Variants in SNX25 observed in about 807,000 individuals in gnomAD.
SNX25 encodes the protein sorting nexin-25.
Under a neutral mutation model 113.7 loss-of-function variants are expected in SNX25, and 62 were observed. The ratio of observed to expected loss-of-function variants is 0.55; its 90% confidence interval spans 0.44 to 0.67. The LOEUF (loss-of-function observed/expected upper bound fraction) is 0.67, where lower values mean the gene tolerates loss of function less well. Among genes scored for constraint, SNX25 ranks in the 30% least tolerant of loss-of-function variants. The pLI, the probability that SNX25 is intolerant of heterozygous loss-of-function variation, is 0.00. For missense variants in SNX25, 1,014 were observed against 1,161.0 expected, an observed-to-expected ratio of 0.87 and a Z score of 1.84; for synonymous variants, 421 against 436.2, an observed-to-expected ratio of 0.97 and a Z score of 0.43.
At chr4:185,351,343 A>G (rs544109587) in intron 13 of SNX25, 102 bp from the exon 14 acceptor site, 1 of 1,247,084 alleles carries the variant, frequency 8.0e-7, no homozygotes, top group East Asian at 2.3e-5. Flanking sequence ...AGTCTGATGA[A>G]AGTAAATTCG....
At chr4:185,321,075 AG>A (rs2095115959) in intron 8 of SNX25, among the ~76,000 whole-genome samples, 2 of 152,250 alleles carry the variant, frequency 1.3e-5, no homozygotes, top group Admixed American at 6.5e-5. Context: ...AAGGGAAAAA[AG>A]GTTTTATAAA....
intron 9 of SNX25, among the ~76,000 whole-genome samples, chr4:185,326,540 T>C (rs1012238413): frequency 1.3e-5 from 2 of 152,130 alleles, no homozygotes; most frequent in African/African-American, 4.8e-5. Flanking sequence ...CAAAATAATT[T>C]TAACATAACA....
chr4:185,287,265 A>G (rs527791892), intron 5 of SNX25, among the ~76,000 whole-genome samples: 1 of 152,324 alleles, frequency 6.6e-6, no homozygotes, highest in Non-Finnish European at 1.5e-5. Flanking sequence ...AGGCACACAT[A>G]TATATAGCTG....
intron 7 of SNX25, among the ~76,000 whole-genome samples, chr4:185,314,924 T>A (rs1371458767): frequency 1.6e-4 from 23 of 140,794 alleles, no homozygotes; most frequent in African/African-American, 6.1e-4. Flanking sequence ...TTGAAGAATA[T>A]AATAATAATC....
chr4:185,371,373 A>C (rs1170234637), downstream of SNX25, among the ~76,000 whole-genome samples: 2 of 151,756 alleles, frequency 1.3e-5, no homozygotes, highest in Admixed American at 1.3e-4. Context: ...CCCCGTCTCT[A>C]CTAAAAAAGA....
intron 2 of SNX25, among the ~76,000 whole-genome samples, chr4:185,248,186 G>C (rs1469715648): frequency 6.6e-6 from 1 of 152,164 alleles, no homozygotes; most frequent in Non-Finnish European, 1.5e-5. Context: ...CAGAATTTTA[G>C]ACCTTTGGGG....
intron 1 of SNX25, among the ~76,000 whole-genome samples, chr4:185,221,999 G>T (rs1265991054): frequency 7.0e-6 from 1 of 143,708 alleles, no homozygotes; most frequent in African/African-American, 2.6e-5. Flanking sequence ...CCTCCTTCAT[G>T]GTAGATATAT....
chr4:185,209,274 C>T (rs1737356219), upstream of SNX25: 1 of 152,226 alleles, frequency 6.6e-6, no homozygotes. The surrounding 1 kb of genome is among the most constrained non-coding windows in gnomAD (Gnocchi z 5.2). Flanking sequence ...GTAAGCAAAG[C>T]GAAGAGGTTA....
At chr4:185,302,977 T>C (rs1343704865) in intron 6 of SNX25, among the ~76,000 whole-genome samples, 8 of 152,212 alleles carry the variant, frequency 5.3e-5, no homozygotes, top group Non-Finnish European at 1.5e-5. Flanking sequence ...TATAACCAAC[T>C]CTACTCACCC....
At chr4:185,369,504 G>A (rs1013350987) in intron 11 of SNX25, among the ~76,000 whole-genome samples, 3 of 151,222 alleles carry the variant, frequency 2.0e-5, no homozygotes, top group African/African-American at 7.3e-5. Flanking sequence ...TCAGCCTCCC[G>A]AAGTGCTGGG....
chr4:185,332,269 T>G (rs564645601), intron 9 of SNX25, among the ~76,000 whole-genome samples: 1 of 152,262 alleles, frequency 6.6e-6, no homozygotes, highest in East Asian at 1.9e-4. Context: ...TACAGAATAT[T>G]CAGGTTGAGT....
intron 9 of SNX25, among the ~76,000 whole-genome samples, chr4:185,327,890 T>C (rs1312644803): frequency 6.6e-6 from 1 of 152,232 alleles, no homozygotes; most frequent in Non-Finnish European, 1.5e-5. Context: ...TTTGACACTT[T>C]ATAGTATTCG....
intron 7 of SNX25, among the ~76,000 whole-genome samples, chr4:185,318,732 A>G (rs139014227): frequency 4.6e-5 from 7 of 152,372 alleles, no homozygotes; most frequent in African/African-American, 1.7e-4. Flanking sequence ...TAGAATGTGC[A>G]TCCCATAGGG....
the SNX25 span, chr4:185,377,884 T>C: frequency 3.7e-6 from 2 of 537,100 alleles, no homozygotes; most frequent in African/African-American, 3.9e-5. Flanking sequence ...CCTAACTATC[T>C]GTGAGACCTC....
chr4:185,362,416 A>T, intron 17 of SNX25, 195 bp from the exon 18 acceptor site: 1 of 920,138 alleles, frequency 1.1e-6, no homozygotes, highest in Non-Finnish European at 1.3e-6. Flanking sequence ...GAAAAATATT[A>T]AAATTGTAAT....
Position 185,363,523 on chromosome 4 carries a change from T to C in SNX25, c.*58T>C, listed in dbSNP as rs1323466568. ...GTGTAATAATAGACATGAAACATTT[T>C]CCTCTTTTCCACAGAGGGCTTAACT... On this transcript the variant is annotated 3_prime_UTR_variant, in exon 19 of 19. Transcript: ENST00000652585. This position sits in a 1 kb window ranked among gnomAD's most constrained non-coding sequence, Gnocchi z 4.2. 1 of 1,529,290 alleles carries C rather than the reference T, an allele frequency of 6.5e-7. No individual in the cohort carries two copies. Among genetic ancestry groups the C allele is most frequent in the Admixed American group, 1.7e-5 (1 of 59,502 alleles). The allele number at this position is 1,529,290 out of a possible 1,614,324, so 94.7% of individuals were successfully genotyped here. A position where few individuals can be genotyped will look rare whatever the true frequency, so the allele number is the denominator to read the frequency against.
intron 2 of SNX25, among the ~76,000 whole-genome samples, chr4:185,247,835 G>C (rs1473491593): frequency 1.3e-5 from 2 of 152,182 alleles, no homozygotes; most frequent in African/African-American, 4.8e-5. Context: ...AAGCAGGGTG[G>C]TGGAAGGTAA....
At chr4:185,371,005 G>T (rs1345139244), downstream of SNX25, 3 of 548,852 alleles carry the variant, frequency 5.5e-6, no homozygotes, top group Non-Finnish European at 9.7e-6. Flanking sequence ...TTCCCAGAGT[G>T]GTGACTTCAC....
intron 5 of SNX25, among the ~76,000 whole-genome samples, chr4:185,270,822 C>G (rs1748819517): frequency 6.6e-6 from 1 of 152,164 alleles, no homozygotes; most frequent in South Asian, 2.1e-4. Flanking sequence ...CATTATGTTT[C>G]CAAGGTTCAT....
Sources: gnomAD v4.1 joint callset for allele counts (sites outside exome capture counted in the v4.1 genomes callset) on GRCh38, gnomAD v4.1.1 for gene constraint, Gnocchi (gnomAD v3.1) non-coding constraint, MANE v1.5 for transcripts, NCBI Gene and HGNC (gene_info 2026-07-23, HGNC 2026-07-21) for gene names.